The following LINGO2 variants were observed in gnomAD, a reference collection of about 807,000 sequenced individuals.
LINGO2 encodes leucine rich repeat and Ig domain containing 2, also known as leucine-rich repeat and immunoglobulin-like domain-containing nogo receptor-interacting protein 2.
In LINGO2, 14 loss-of-function variants were observed where a neutral mutation model predicts 30.6. The ratio of observed to expected loss-of-function variants is 0.46; its 90% confidence interval spans 0.30 to 0.72. LINGO2 has a LOEUF of 0.72. LINGO2 is among the 30% of genes least tolerant of loss of function. LINGO2 has a pLI of 0.07. For missense variants in LINGO2, 729 were observed against 751.7 expected, an observed-to-expected ratio of 0.97 and a Z score of 0.35; for synonymous variants, 317 against 288.5, an observed-to-expected ratio of 1.10 and a Z score of -1.00.
the LINGO2 span, among the ~76,000 whole-genome samples, chr9:28,844,347 A>G: frequency 1.3e-5 from 2 of 151,782 alleles, no homozygotes; most frequent in Admixed American, 1.3e-4. Flanking sequence ...GGGTGACAGA[A>G]TGAGACTCTG....
chr9:28,916,449 G>C, the LINGO2 span, among the ~76,000 whole-genome samples: 4 of 152,236 alleles, frequency 2.6e-5, no homozygotes, highest in African/African-American at 4.8e-5. Flanking sequence ...TTCCCCTGCA[G>C]AATGAAAACC....
At chr9:28,763,146 C>T in the LINGO2 span, among the ~76,000 whole-genome samples, 7 of 151,948 alleles carry the variant, frequency 4.6e-5, no homozygotes, top group Admixed American at 3.3e-4. Flanking sequence ...CTGAAATAAC[C>T]ACTGTCAAAA....
chr9:28,449,751 C>T (rs748955185), intron 2 of LINGO2, among the ~76,000 whole-genome samples: 2 of 152,054 alleles, frequency 1.3e-5, no homozygotes, highest in African/African-American at 4.8e-5. Flanking sequence ...GCTTCAATTA[C>T]TAGTCCCCAC....
the LINGO2 span, among the ~76,000 whole-genome samples, chr9:28,885,434 CATATATATACACACAT>C: frequency 1.5e-5 from 2 of 137,664 alleles, no homozygotes; most frequent in South Asian, 4.9e-4. Flanking sequence ...CACACATATA[CATATATATACACACAT>C]ATATACATAC....
chr9:29,183,824 A>T, the LINGO2 span, among the ~76,000 whole-genome samples: 1 of 151,746 alleles, frequency 6.6e-6, no homozygotes, highest in Admixed American at 6.6e-5. Context: ...GCTGTTTGAG[A>T]TGCCTTCCAA....
chr9:28,625,731 A>C (rs955304597), intron 1 of LINGO2, among the ~76,000 whole-genome samples: 1 of 152,070 alleles, frequency 6.6e-6, no homozygotes, highest in African/African-American at 2.4e-5. Context: ...ATTCCTGAAC[A>C]TTTGGGTTGT....
chr9:28,774,462 C>G, the LINGO2 span, among the ~76,000 whole-genome samples: 1 of 151,940 alleles, frequency 6.6e-6, no homozygotes, highest in African/African-American at 2.4e-5. Context: ...TATGCCCATG[C>G]CTATACACAT....
chr9:28,517,628 G>C lies in LINGO2; in HGVS notation c.-364-41603C>G, dbSNP rs190237027. 9.2e-5 allele frequency among the ~76,000 whole-genome samples: 14 copies of C among 152,318 alleles called. No individual in the cohort carries two copies. The East Asian group carries it at 2.7e-3, about 29-fold the overall frequency. ...ACTGAAATTAAAGAGCATTTGGAAA[G>C]CAGTCATCTAGAGTTGAGGAGGTAC... On this transcript the variant is annotated intron_variant, in intron 1 of 5. Transcript: ENST00000379992.
chr9:27,948,742 T>A (rs1823468370), exon 6 of LINGO2: 1 of 1,292,050 alleles, frequency 7.7e-7, no homozygotes, highest in Non-Finnish European at 1.1e-6. Flanking sequence ...CTGCTTTTGA[T>A]ACAGGGGCAG....
intron 3 of LINGO2, among the ~76,000 whole-genome samples, chr9:28,323,838 T>C (rs1825132850): frequency 6.6e-6 from 1 of 152,038 alleles, no homozygotes; most frequent in Admixed American, 6.5e-5. Flanking sequence ...GACATATAAT[T>C]TGTAAAGAAG....
chr9:28,305,948 C>T (rs1824334163), intron 3 of LINGO2, among the ~76,000 whole-genome samples: 2 of 152,052 alleles, frequency 1.3e-5, no homozygotes, highest in Non-Finnish European at 2.9e-5. Context: ...AAAGATCTCT[C>T]TCTAAATCAT....
the LINGO2 span, among the ~76,000 whole-genome samples, chr9:29,189,154 C>G: frequency 2.1e-5 from 3 of 143,092 alleles, no homozygotes; most frequent in Non-Finnish European, 3.1e-5. Flanking sequence ...GCTGACCCCC[C>G]CACCTCCCTC....
At chr9:28,410,276 A>G (rs1048179668) in intron 2 of LINGO2, among the ~76,000 whole-genome samples, 1 of 152,094 alleles carries the variant, frequency 6.6e-6, no homozygotes, top group Non-Finnish European at 1.5e-5. Flanking sequence ...TATATGAAGA[A>G]ATTACGAACC....
At chr9:28,786,267 T>C in the LINGO2 span, among the ~76,000 whole-genome samples, 1 of 152,128 alleles carries the variant, frequency 6.6e-6, no homozygotes, top group South Asian at 2.1e-4. Context: ...CCATGACACC[T>C]CCTTAATTGC....
At chr9:27,977,627 G>A (rs1374918699) in intron 5 of LINGO2, among the ~76,000 whole-genome samples, 2 of 151,822 alleles carry the variant, frequency 1.3e-5, no homozygotes, top group Admixed American at 6.6e-5. Flanking sequence ...ATACTAAACA[G>A]CAGCACCATC....
intron 3 of LINGO2, among the ~76,000 whole-genome samples, chr9:28,301,293 C>T (rs1824131686): frequency 6.6e-6 from 1 of 151,756 alleles, no homozygotes; most frequent in South Asian, 2.1e-4. Context: ...ATTGAGGAGT[C>T]ACCATCCACT....
intron 4 of LINGO2, among the ~76,000 whole-genome samples, chr9:28,028,133 G>A (rs1390234223): frequency 6.6e-6 from 1 of 152,020 alleles, no homozygotes; most frequent in Non-Finnish European, 1.5e-5. Flanking sequence ...TGCTATATTT[G>A]AACTTCTGTT....
At chr9:28,996,143 A>G in the LINGO2 span, among the ~76,000 whole-genome samples, 193 of 151,148 alleles carry the variant, frequency 1.3e-3, no homozygotes, top group African/African-American at 3.1e-3. Context: ...AGGACTGTGA[A>G]GTAAGGCCTC....
In LINGO2 at chr9:27,949,851, T is replaced by TA; in HGVS notation, c.820dup (p.Tyr274LeufsTer6). On this transcript the variant is annotated frameshift_variant, in exon 6 of 6. Coordinates refer to ENST00000379992, the Ensembl canonical transcript of LINGO2. LOFTEE classifies it high-confidence loss of function. ...GTAGGAGAGGTTAAGGTGAGTCAGG[T>TA]ATACCAGGTGTTTAAAGGCAAGGAA... The TA allele has an allele frequency of 6.2e-7, 1 of 1,614,030 alleles. No homozygotes were observed. Among genetic ancestry groups the TA allele is most frequent in the Non-Finnish European group, 8.5e-7 (1 of 1,179,976 alleles).
Sources: allele counts gnomAD v4.1 joint callset (sites outside exome capture counted in the v4.1 genomes callset), GRCh38; gene constraint gnomAD v4.1.1; transcripts MANE v1.5; gene names NCBI Gene and HGNC (gene_info 2026-07-23, HGNC 2026-07-21).